CCND3: variants seen among roughly 807,000 people sequenced by gnomAD.
CCND3 encodes G1/S-specific cyclin-D3.
Under a neutral mutation model 28.7 loss-of-function variants are expected in CCND3, and 9 were observed. The observed-to-expected ratio is 0.31, with a 90% CI of 0.19 to 0.55. The LOEUF is 0.55. Ranked by LOEUF, CCND3 falls within the 20% of genes least tolerant of loss-of-function variation. The probability of loss-of-function intolerance (pLI) is 0.93; values close to 1 mark genes in which losing one functional copy is unlikely to be tolerated. For missense variants in CCND3, 315 were observed against 385.8 expected (o/e 0.82, Z 1.54); for synonymous variants, 164 against 163.9 (o/e 1.00, Z 0.00).
chr6:42,029,523 G>A (rs1474482676), intron 1 of CCND3, among the ~76,000 whole-genome samples: 2 of 152,116 alleles, frequency 1.3e-5, no homozygotes, highest in East Asian at 3.9e-4. Flanking sequence ...GAGACTAAGA[G>A]GGCAGTGAGA....
chr6:42,006,725 G>A (rs1763185318), intron 1 of CCND3, among the ~76,000 whole-genome samples: 3 of 151,942 alleles, frequency 2.0e-5, no homozygotes, highest in Admixed American at 2.0e-4. Context: ...TGGCTAACAC[G>A]GTGAAACCCC....
intron 1 of CCND3, among the ~76,000 whole-genome samples, chr6:42,026,779 G>T (rs1186091742): frequency 6.6e-6 from 1 of 152,156 alleles, no homozygotes; most frequent in Admixed American, 6.6e-5. Flanking sequence ...AAAAGGAAGG[G>T]CAGTGCCTTT....
chr6:41,941,398 C>T lies in CCND3; in HGVS notation c.198+54G>A. ...ACCGGGATGTCCCGACAGGGCGGCC[C>T]CGGTGTGTCCAGACCCGGGAGCGGT... is the stretch of plus-strand genomic sequence containing the variant. On this transcript the variant is annotated intron_variant, in intron 1 of 4. Transcript: ENST00000372991. The surrounding 1 kb of genome is among the most constrained non-coding windows in gnomAD (Gnocchi z 6.1). 1 of 1,589,724 alleles carries T rather than the reference C, an allele frequency of 6.3e-7. No homozygotes were observed. Among genetic ancestry groups the T allele is most frequent in the East Asian group, 2.3e-5 (1 of 43,330 alleles).
At chr6:42,029,787 A>G (rs973199158) in intron 1 of CCND3, among the ~76,000 whole-genome samples, 4 of 151,660 alleles carry the variant, frequency 2.6e-5, no homozygotes, top group African/African-American at 4.8e-5. Context: ...CAGTGAGTCA[A>G]GATCACAACA....
chr6:42,013,829 T>C (rs531535708), intron 1 of CCND3, among the ~76,000 whole-genome samples: 19 of 148,660 alleles, frequency 1.3e-4, no homozygotes, highest in African/African-American at 4.7e-4. Context: ...ATCCCAGCAC[T>C]TTGGGAGGCC....
intron 1 of CCND3, among the ~76,000 whole-genome samples, chr6:41,989,810 G>A (rs563681250): frequency 6.6e-6 from 1 of 152,228 alleles, no homozygotes; most frequent in Non-Finnish European, 1.5e-5. Flanking sequence ...TAACCCGGCA[G>A]TTATACTCCT....
chr6:42,042,301 C>G (rs1764390163), intron 1 of CCND3, among the ~76,000 whole-genome samples: 1 of 152,046 alleles, frequency 6.6e-6, no homozygotes, highest in African/African-American at 2.4e-5. Context: ...GGCCTGCCCA[C>G]CACTCAGCAG....
At chr6:41,979,257 G>C (rs1193068955) in intron 1 of CCND3, among the ~76,000 whole-genome samples, 2 of 151,442 alleles carry the variant, frequency 1.3e-5, no homozygotes, top group Admixed American at 6.6e-5. Flanking sequence ...ATAACGGCCG[G>C]GCACAGTGGC....
intron 1 of CCND3, among the ~76,000 whole-genome samples, chr6:41,994,176 C>T (rs1000830861): frequency 6.6e-6 from 1 of 151,652 alleles, no homozygotes; most frequent in East Asian, 1.9e-4. Flanking sequence ...GATAGACAAA[C>T]TACTTGCCAT....
chr6:41,938,287 A>G lies in CCND3; in HGVS notation c.415-893T>C, dbSNP rs1775874619. 1 of 152,184 alleles carries G rather than the reference A, an allele frequency of 6.6e-6. No individual in the cohort carries two copies. The highest frequency in any genetic ancestry group is 2.1e-4 in the South Asian group (1 of 4,826). The allele number at this position is 152,184 out of a possible 1,614,324, so 9.4% of individuals were successfully genotyped here. ...GAGGATTTCTTCATTGTTTTATCTCAGGAAGGAACTTGTGGGTTTGACTCC... is the reference window on the plus strand; with the variant it reads ...GAGGATTTCTTCATTGTTTTATCTCGGGAAGGAACTTGTGGGTTTGACTCC... On this transcript the variant is annotated intron_variant, in intron 2 of 4. Transcript: ENST00000372991. The surrounding 1 kb of genome is among the most constrained non-coding windows in gnomAD (Gnocchi z 4.6).
At chr6:41,960,018 G>A (rs924133266) in intron 1 of CCND3, among the ~76,000 whole-genome samples, 5 of 152,070 alleles carry the variant, frequency 3.3e-5, no homozygotes, top group Non-Finnish European at 7.4e-5. Context: ...AAATAATATG[G>A]CATATGCATA....
rs1012056703 is a variant in CCND3 at position 42,044,400 on chromosome 6, G to C, written c.-46+4101C>G. On this transcript the variant is annotated intron_variant, in intron 1 of 4. Coordinates refer to the CCND3 transcript ENST00000372988. ...ACACACGGGGCAACAGCTCCACCTGGTGGACGATCAGGGACTACCACGGGC... is the reference window on the plus strand; with the variant it reads ...ACACACGGGGCAACAGCTCCACCTGCTGGACGATCAGGGACTACCACGGGC... Among the ~76,000 whole-genome samples the C allele has an allele frequency of 5.9e-5, 9 of 152,308 alleles. No individual in the cohort carries two copies. The East Asian group carries it at 1.5e-3, about 26-fold the overall frequency.
intron 1 of CCND3, among the ~76,000 whole-genome samples, chr6:42,011,823 C>A (rs1022479158): frequency 3.9e-5 from 6 of 152,156 alleles, no homozygotes; most frequent in Non-Finnish European, 8.8e-5. Context: ...CAGCGCTCAC[C>A]GGTGCTGAGC....
intron 1 of CCND3, among the ~76,000 whole-genome samples, chr6:41,971,751 G>A (rs1762036694): frequency 1.3e-5 from 2 of 150,754 alleles, no homozygotes; most frequent in South Asian, 4.2e-4. Context: ...TGTTGGCCAA[G>A]ATGGTCTCGA....
chr6:41,940,472 C>G lies in CCND3; in HGVS notation c.312G>C (p.Ala104=), dbSNP rs774778763. 18 of 1,613,924 alleles carry G rather than the reference C, an allele frequency of 1.1e-5. No individual in the cohort carries two copies. The Admixed American group carries it at 2.3e-4, about 21-fold the overall frequency. The change falls in exon 2 of 5, where the codon GCG becomes GCC. Residue 104 remains alanine (A), a synonymous_variant. Coordinates refer to ENST00000372991, the MANE Select transcript of CCND3 (RefSeq NM_001760.5). ...TRKAQLQLLG[A]VCMLLASKLR... is the part of the protein sequence containing the mutation. ...GCTTGGAGGCCAGCAGCATGCAGAC[C>G]GCACCCAGGAGCTGCAACTGCGCCT...
intron 1 of CCND3, among the ~76,000 whole-genome samples, chr6:41,951,421 G>A (rs914138585): frequency 1.8e-5 from 2 of 113,980 alleles, no homozygotes; most frequent in African/African-American, 3.9e-5. Context: ...GGGCATGGTA[G>A]CAGGCGCCTG....
chr6:42,048,689 A>G lies in CCND3; in HGVS notation c.-234T>C. On this transcript the variant is annotated 5_prime_UTR_variant, in exon 1 of 5. Transcript: ENST00000372988. This position sits in a 1 kb window ranked among gnomAD's most constrained non-coding sequence, Gnocchi z 4.7. The stretch of plus-strand genomic sequence containing the variant: ...CCACCCCTGCAGTGGCGAAGTGTTT[A>G]CAAAGTCCGCGCCGCGCCGCCGATC... 1 of 517,584 alleles carries G rather than the reference A, an allele frequency of 1.9e-6. No homozygotes were observed. Among genetic ancestry groups the G allele is most frequent in the Non-Finnish European group, 3.9e-6 (1 of 259,408 alleles). 32.1% of individuals were successfully genotyped at this position (517,584 alleles called of 1,614,324 possible). A position where few individuals can be genotyped will look rare whatever the true frequency, so the allele number is the denominator to read the frequency against.
At chr6:42,012,269 G>C (rs1190427472) in intron 1 of CCND3, among the ~76,000 whole-genome samples, 1 of 152,140 alleles carries the variant, frequency 6.6e-6, no homozygotes, top group African/African-American at 2.4e-5. Context: ...AGCTGGGCGT[G>C]GTGGCGGGCG....
intron 1 of CCND3, among the ~76,000 whole-genome samples, chr6:41,983,937 C>A (rs1273721989): frequency 2.0e-5 from 3 of 152,124 alleles, no homozygotes; most frequent in Non-Finnish European, 4.4e-5. Flanking sequence ...TACCCTTTGA[C>A]CAACATTCCC....
Sources: allele counts gnomAD v4.1 joint callset (sites outside exome capture counted in the v4.1 genomes callset), GRCh38; gene constraint gnomAD v4.1.1; non-coding constraint Gnocchi (gnomAD v3.1); transcripts MANE v1.5; gene names NCBI Gene and HGNC (gene_info 2026-07-23, HGNC 2026-07-21).